The following RTF1 variants were observed in gnomAD, a reference collection of about 807,000 sequenced individuals.
The protein encoded by RTF1 is RTF1 homolog, Paf1/RNA polymerase II complex component.
A neutral mutation model predicts 95.7 loss-of-function variants in RTF1; 10 were observed. The observed-to-expected ratio is 0.10, with a 90% CI of 0.06 to 0.18. The LOEUF is 0.18. Ranked by LOEUF, RTF1 falls within the 10% of genes least tolerant of loss-of-function variation. RTF1 has a pLI of 1.00. For missense variants in RTF1, 458 were observed against 875.6 expected (o/e 0.52, Z 6.02); for synonymous variants, 305 against 311.8 (o/e 0.98, Z 0.23).
At chr15:41,418,771 C>A (rs1240732409) in intron 1 of RTF1, among the ~76,000 whole-genome samples, 2 of 119,898 alleles carry the variant, frequency 1.7e-5, no homozygotes, top group Non-Finnish European at 3.3e-5. Context: ...GCAACAAGAG[C>A]GAAACTCCAT....
intron 3 of RTF1, among the ~76,000 whole-genome samples, chr15:41,454,364 T>A (rs1226988247): frequency 1.3e-5 from 2 of 152,154 alleles, no homozygotes; most frequent in Non-Finnish European, 2.9e-5. Flanking sequence ...GTGCTGGGAT[T>A]ACAGGTGTGA....
At chr15:41,451,468 G>A (rs999746432) in intron 2 of RTF1, among the ~76,000 whole-genome samples, 1 of 152,076 alleles carries the variant, frequency 6.6e-6, no homozygotes, top group African/African-American at 2.4e-5. Context: ...TTGGCCTTGG[G>A]GTAGTTAACT....
rs573784868 is a variant in RTF1, at chr15:41,421,188, G to A, written c.198+3875G>A. On this transcript the variant is annotated intron_variant, in intron 1 of 17. Transcript: ENST00000389629. ...ACTTTAAAAATTGGCCAGGTGCAGT[G>A]GCTCATACCTGTAATCCCAGCACTT... 3.9e-5 allele frequency among the ~76,000 whole-genome samples: 6 copies of A among 152,276 alleles called. No homozygotes were observed. The South Asian group carries it at 1.2e-3, about 32-fold the overall frequency.
At chr15:41,425,529 T>C (rs945532568) in intron 1 of RTF1, among the ~76,000 whole-genome samples, 5 of 152,082 alleles carry the variant, frequency 3.3e-5, no homozygotes, top group Admixed American at 6.6e-5. Context: ...GAGAGTAATA[T>C]GGAGGGGGAC....
At chr15:41,437,539 A>G (rs1480683157) in intron 1 of RTF1, among the ~76,000 whole-genome samples, 1 of 152,104 alleles carries the variant, frequency 6.6e-6, no homozygotes, top group African/African-American at 2.4e-5. Flanking sequence ...TAGTGAGTAC[A>G]GTATAATTGT....
chr15:41,443,253 A>T (rs2050744683), intron 2 of RTF1, among the ~76,000 whole-genome samples: 1 of 152,212 alleles, frequency 6.6e-6, no homozygotes, highest in South Asian at 2.1e-4. Flanking sequence ...GTATAATGTC[A>T]TATTAGTGAG....
At chr15:41,427,165 T>A (rs1330105763) in intron 1 of RTF1, among the ~76,000 whole-genome samples, 1 of 137,942 alleles carries the variant, frequency 7.2e-6, no homozygotes, top group Non-Finnish European at 1.6e-5. Flanking sequence ...TTTTTTTTTT[T>A]TTTTGAGACA....
chr15:41,443,984 C>T (rs1348830019), intron 2 of RTF1, among the ~76,000 whole-genome samples: 1 of 151,310 alleles, frequency 6.6e-6, no homozygotes, highest in Non-Finnish European at 1.5e-5. Context: ...AGGAGAATGG[C>T]GTGAACCCGG....
Position 41,442,048 on chromosome 15 carries a change from G to A in RTF1, c.309+3617G>A, listed in dbSNP as rs1014807833. Among the ~76,000 whole-genome samples, 4 of 152,222 alleles carry A rather than the reference G, an allele frequency of 2.6e-5. No individual in the cohort carries two copies. In the East Asian group the frequency reaches 7.7e-4, roughly 29 times the overall value. ...TCTTCCAGCCACTGTGTAACTCAAT[G>A]TTATTACTGTGAGCTCAAACTTATT... is the stretch of plus-strand genomic sequence containing the variant. On this transcript the variant is annotated intron_variant, in intron 2 of 17. Coordinates refer to ENST00000389629, the MANE Select transcript of RTF1 (RefSeq NM_015138.5).
chr15:41,476,726 T>C (rs1453247290), intron 12 of RTF1, among the ~76,000 whole-genome samples: 2 of 152,256 alleles, frequency 1.3e-5, no homozygotes, highest in East Asian at 3.8e-4. Context: ...CTTCTGCGTG[T>C]GTGCCAGTCT....
rs575127630 is a variant in RTF1 at position 41,481,080 on chromosome 15, A to T, written c.*393A>T. 1.4e-4 allele frequency: 26 copies of T among 182,764 alleles called. No individual in the cohort carries two copies. In the South Asian group the frequency reaches 3.1e-3, roughly 22 times the overall value. 11.3% of individuals were successfully genotyped at this position (182,764 alleles called of 1,614,324 possible). A position where few individuals can be genotyped will look rare whatever the true frequency, so the allele number is the denominator to read the frequency against. On this transcript the variant is annotated 3_prime_UTR_variant, in exon 18 of 18. Coordinates refer to ENST00000389629, the MANE Select transcript of RTF1 (RefSeq NM_015138.5). ...AGCAGCACCAGGCGGTCTCCTCTAC[A>T]GACTGCCTTGGCCCACCCATTGAAC...
chr15:41,478,742 G>C (rs2050954969), intron 15 of RTF1, 117 bp downstream of exon 15: 1 of 918,074 alleles, frequency 1.1e-6, no homozygotes, highest in Non-Finnish European at 1.7e-6. Flanking sequence ...GGATTTGCTT[G>C]TCTGAAGCTC....
intron 1 of RTF1, 78 bp downstream of exon 1, chr15:41,417,391 C>A (rs2050576744): frequency 8.5e-7 from 1 of 1,182,692 alleles, no homozygotes; most frequent in Non-Finnish European, 1.1e-6. Context: ...ACGGCCGGGC[C>A]TGGAGCCTTC....
At chr15:41,417,685 G>T (rs1406220480) in intron 1 of RTF1, among the ~76,000 whole-genome samples, 1 of 152,244 alleles carries the variant, frequency 6.6e-6, no homozygotes, top group African/African-American at 2.4e-5. Flanking sequence ...AACCTGGGAG[G>T]CTGGGAGGTT....
At chr15:41,448,336 G>A (rs1048861396) in intron 2 of RTF1, among the ~76,000 whole-genome samples, 2 of 151,904 alleles carry the variant, frequency 1.3e-5, no homozygotes, top group Non-Finnish European at 2.9e-5. Context: ...ATTGAGTGGT[G>A]GCTATACAGG....
At chr15:41,475,491 C>T in intron 9 of RTF1, 34 bp from the exon 10 acceptor site, 1 of 1,571,250 alleles carries the variant, frequency 6.4e-7, no homozygotes, top group Non-Finnish European at 8.8e-7. Flanking sequence ...TCAACATGCA[C>T]ATTTCTTGGA....
chr15:41,464,730 A>T, intron 4 of RTF1, 41 bp from the exon 5 acceptor site: 2 of 1,467,564 alleles, frequency 1.4e-6, no homozygotes, highest in Non-Finnish European at 1.9e-6. Flanking sequence ...GTTTTTATAT[A>T]CATTTCATTG....
Position 41,480,896 on chromosome 15 carries a change from C to T in RTF1, c.*209C>T, listed in dbSNP as rs1471448955. On this transcript the variant is annotated 3_prime_UTR_variant, in exon 18 of 18. Transcript: ENST00000389629. ...CCCACCAGCCTCCCCTCCCCCAGGG[C>T]CCCACCCAGTGTGGGCCTGGGCTCT... is the stretch of plus-strand genomic sequence containing the variant. 1 of 576,066 alleles carries T rather than the reference C, an allele frequency of 1.7e-6. No individual in the cohort carries two copies. The highest frequency in any genetic ancestry group is 3.1e-6 in the Non-Finnish European group (1 of 321,990). The allele number at this position is 576,066 out of a possible 1,614,324, so 35.7% of individuals were successfully genotyped here.
At chr15:41,470,985 T>G (rs998765516) in intron 7 of RTF1, among the ~76,000 whole-genome samples, 187 bp from the exon 8 acceptor site, 1 of 152,182 alleles carries the variant, frequency 6.6e-6, no homozygotes, top group African/African-American at 2.4e-5. Context: ...GCAGCCTCAT[T>G]TGAAACAGCT....
Sources: gnomAD v4.1 joint callset for allele counts (sites outside exome capture counted in the v4.1 genomes callset) on GRCh38, gnomAD v4.1.1 for gene constraint, MANE v1.5 for transcripts, NCBI Gene and HGNC (gene_info 2026-07-23, HGNC 2026-07-21) for gene names.